TAX1BP1: variants seen among roughly 807,000 people sequenced by gnomAD.
TAX1BP1 encodes tax1-binding protein 1.
Under a neutral mutation model 97.7 loss-of-function variants are expected in TAX1BP1, and 62 were observed. That is an observed-to-expected ratio of 0.63 (90% CI 0.52 to 0.78). The LOEUF (loss-of-function observed/expected upper bound fraction) is 0.78. Among genes scored for constraint, TAX1BP1 ranks in the 30% least tolerant of loss-of-function variants. TAX1BP1 has a pLI of 0.00. For missense variants in TAX1BP1, 867 were observed against 916.1 expected, an observed-to-expected ratio of 0.95 and a Z score of 0.69; for synonymous variants, 340 against 304.2, an observed-to-expected ratio of 1.12 and a Z score of -1.23.
At chr7:27,747,889 A>G (rs781403597) in intron 1 of TAX1BP1, among the ~76,000 whole-genome samples, 9 of 151,786 alleles carry the variant, frequency 5.9e-5, no homozygotes, top group Non-Finnish European at 5.9e-5. Context: ...AAAGGCCCCT[A>G]ATGATTCTAA....
Position 27,748,539 on chromosome 7 carries a change from A to G in TAX1BP1, c.15A>G (p.Gln5=), listed in dbSNP as rs376420843. 9 of 1,592,706 alleles carry G rather than the reference A, an allele frequency of 5.7e-6. No homozygotes were observed. The highest frequency in any genetic ancestry group is 5.4e-5 in the African/African-American group (4 of 74,536). Residue 5 remains glutamine (Q), a synonymous_variant, in exon 2 of 17, where the codon CAA becomes CAG. Coordinates refer to ENST00000396319, the MANE Select transcript of TAX1BP1 (RefSeq NM_006024.7). MTSF[Q]EVPLQTSNFA... ...TCAGATTCACAATGACATCCTTTCA[A>G]GAAGTCCCATTGCAGACTTCCAACT... is the stretch of plus-strand genomic sequence containing the variant.
At chr7:27,791,561 G>C (rs57949784) in intron 8 of TAX1BP1, among the ~76,000 whole-genome samples, 1,994 of 152,154 alleles carry the variant, frequency 0.013, 41 homozygotes, top group African/African-American at 0.045. Context: ...TATTATATTG[G>C]ATGTCTCTTG....
chr7:27,778,993 C>T (rs1789140942), intron 5 of TAX1BP1, among the ~76,000 whole-genome samples: 1 of 151,990 alleles, frequency 6.6e-6, no homozygotes, highest in Non-Finnish European at 1.5e-5. Flanking sequence ...AACAGTCACT[C>T]CTTACATACC....
chr7:27,807,457 T>C (rs1790385073), intron 13 of TAX1BP1, among the ~76,000 whole-genome samples: 1 of 152,138 alleles, frequency 6.6e-6, no homozygotes, highest in Non-Finnish European at 1.5e-5. Context: ...TTCTTAACCT[T>C]GACATTTTTG....
intron 5 of TAX1BP1, among the ~76,000 whole-genome samples, chr7:27,774,617 C>G (rs1562713157): frequency 6.6e-6 from 1 of 151,874 alleles, no homozygotes; most frequent in African/African-American, 2.4e-5. Flanking sequence ...ATTTTATGGT[C>G]TTGAAAAATG....
intron 13 of TAX1BP1, among the ~76,000 whole-genome samples, chr7:27,801,906 G>C (rs950802843): frequency 6.6e-6 from 1 of 152,172 alleles, no homozygotes; most frequent in African/African-American, 2.4e-5. Flanking sequence ...AATTGCCTTA[G>C]AGTTGTGTCC....
At chr7:27,744,287 G>A (rs1268632702) in intron 1 of TAX1BP1, among the ~76,000 whole-genome samples, 1 of 151,910 alleles carries the variant, frequency 6.6e-6, no homozygotes, top group Non-Finnish European at 1.5e-5. Flanking sequence ...CACCTCGCCC[G>A]GCTAATTTTT....
At chr7:27,793,252 T>C (rs1789788961) in intron 10 of TAX1BP1, 40 bp downstream of exon 10, 1 of 1,499,720 alleles carries the variant, frequency 6.7e-7, no homozygotes, top group African/African-American at 1.4e-5. Context: ...AATGTGTTGT[T>C]AGTATTTTTG....
At chr7:27,813,995 G>T (rs1321233619) in intron 13 of TAX1BP1, among the ~76,000 whole-genome samples, 3 of 151,596 alleles carry the variant, frequency 2.0e-5, no homozygotes, top group Non-Finnish European at 4.4e-5. Flanking sequence ...AACTTTAAGC[G>T]AAAGGACTTA....
At chr7:27,776,311 C>A (rs1395114482) in intron 5 of TAX1BP1, among the ~76,000 whole-genome samples, 1 of 152,064 alleles carries the variant, frequency 6.6e-6, no homozygotes, top group African/African-American at 2.4e-5. Context: ...AAAGGACTTT[C>A]TTTAACATTT....
At chr7:27,745,619 G>T (rs1450105920) in intron 1 of TAX1BP1, among the ~76,000 whole-genome samples, 1 of 151,984 alleles carries the variant, frequency 6.6e-6, no homozygotes, top group African/African-American at 2.4e-5. Flanking sequence ...ATTAATGAAG[G>T]CCATTAATAG....
intron 15 of TAX1BP1, among the ~76,000 whole-genome samples, chr7:27,821,399 G>C (rs1306204419): frequency 6.6e-6 from 1 of 152,098 alleles, no homozygotes; most frequent in African/African-American, 2.4e-5. Context: ...GGGAGGTCTA[G>C]GCAGGCAGAT....
chr7:27,812,914 G>A (rs1230192935), intron 13 of TAX1BP1, among the ~76,000 whole-genome samples: 1 of 152,102 alleles, frequency 6.6e-6, no homozygotes, highest in Non-Finnish European at 1.5e-5. Context: ...ACATGGCCAT[G>A]CCCATTCATG....
intron 12 of TAX1BP1, among the ~76,000 whole-genome samples, chr7:27,797,891 A>G (rs1482772978): frequency 1.3e-5 from 2 of 151,832 alleles, no homozygotes; most frequent in East Asian, 1.9e-4. Context: ...TTGAAATCCA[A>G]TGAATTGCAC....
At chr7:27,765,494 G>C (rs1788599286) in intron 3 of TAX1BP1, among the ~76,000 whole-genome samples, 1 of 152,154 alleles carries the variant, frequency 6.6e-6, no homozygotes, top group African/African-American at 2.4e-5. Context: ...CCAGTCCTCA[G>C]TAGACTTTTA....
chr7:27,793,909 C>T (rs900677098), intron 10 of TAX1BP1, among the ~76,000 whole-genome samples: 2 of 152,158 alleles, frequency 1.3e-5, no homozygotes, highest in African/African-American at 4.8e-5. Flanking sequence ...CCTGGTCCTA[C>T]TTTTTTAAAT....
intron 2 of TAX1BP1, 110 bp from the exon 3 acceptor site, chr7:27,757,921 T>C: frequency 1.8e-6 from 1 of 569,740 alleles, no homozygotes; most frequent in Non-Finnish European, 3.1e-6. Flanking sequence ...TTTGTAAACA[T>C]ATTAAATGTA....
intron 16 of TAX1BP1, 150 bp downstream of exon 16, chr7:27,827,970 T>C: frequency 1.7e-6 from 1 of 579,816 alleles, no homozygotes; most frequent in Middle Eastern, 2.8e-4. Context: ...ATATGTGTTT[T>C]AACATGTCCT....
chr7:27,777,361 A>T (rs955369691), intron 5 of TAX1BP1, among the ~76,000 whole-genome samples: 1 of 152,156 alleles, frequency 6.6e-6, no homozygotes, highest in Non-Finnish European at 1.5e-5. Flanking sequence ...GTACCAGAGC[A>T]GCATTTAGAC....
Sources: allele counts gnomAD v4.1 joint callset (sites outside exome capture counted in the v4.1 genomes callset), GRCh38; gene constraint gnomAD v4.1.1; transcripts MANE v1.5; gene names NCBI Gene and HGNC (gene_info 2026-07-23, HGNC 2026-07-21).